The following GDPD4 variants were observed in gnomAD, a reference collection of about 807,000 sequenced individuals.
The protein encoded by GDPD4 is glycerophosphodiester phosphodiesterase domain containing 4.
A neutral mutation model predicts 67.8 loss-of-function variants in GDPD4; 60 were observed. That is an observed-to-expected ratio of 0.88 (90% CI 0.72 to 1.10). The LOEUF (loss-of-function observed/expected upper bound fraction) is 1.10. Ranked by LOEUF, GDPD4 falls within the 50% of genes least tolerant of loss-of-function variation. GDPD4 has a pLI of 0.00. For synonymous variants in GDPD4, 212 were observed against 210.9 expected (o/e 1.00, Z -0.04); for missense variants, 623 against 613.9 (o/e 1.01, Z -0.16).
At position 77,229,875 on chromosome 11, in the gene GDPD4, TC is replaced by T. The variant is rs149475629; in HGVS notation, c.1390-644del. Among the ~76,000 whole-genome samples, 606 of 152,288 alleles carry T rather than the reference TC, an allele frequency of 4.0e-3. 3 individuals carry two copies. Among genetic ancestry groups the T allele is most frequent in the Non-Finnish European group, 6.6e-3 (446 of 68,018 alleles). On this transcript the variant is annotated intron_variant, in intron 14 of 16. Coordinates refer to ENST00000315938, the MANE Select transcript of GDPD4 (RefSeq NM_182833.3). ...ATTTCCCAGAGCTCTGTCTTCTGGG[TC>T]CTCTCATTGAGTTTGATGCTCCCTT...
intron 11 of GDPD4, among the ~76,000 whole-genome samples, chr11:77,248,989 G>T (rs1311361994): frequency 1.3e-5 from 2 of 151,254 alleles, no homozygotes; most frequent in Non-Finnish European, 2.9e-5. Context: ...ATTAGAGGCT[G>T]GGCAAGGTGG....
intron 11 of GDPD4, among the ~76,000 whole-genome samples, chr11:77,247,641 A>T (rs541668687): frequency 3.4e-4 from 52 of 152,354 alleles, no homozygotes; most frequent in Admixed American, 2.6e-3. Context: ...CAGATGAAAC[A>T]TCTGGTTCCT....
At chr11:77,241,864 C>T (rs748621224) in intron 13 of GDPD4, among the ~76,000 whole-genome samples, 7 of 151,716 alleles carry the variant, frequency 4.6e-5, no homozygotes, top group East Asian at 2.0e-4. Flanking sequence ...ATCCAAGAGG[C>T]GGAGGTTGCA....
At chr11:77,224,459 G>A (rs1958288289) in intron 16 of GDPD4, among the ~76,000 whole-genome samples, 1 of 152,144 alleles carries the variant, frequency 6.6e-6, no homozygotes, top group African/African-American at 2.4e-5. Context: ...CTTCATCATA[G>A]CAGACTGGAG....
intron 13 of GDPD4, 38 bp from the exon 14 acceptor site, chr11:77,233,210 A>G (rs769892166): frequency 1.3e-6 from 2 of 1,596,594 alleles, no homozygotes; most frequent in Non-Finnish European, 1.7e-6. Flanking sequence ...ATTTAGATCA[A>G]GTTTCATTCT....
intron 1 of GDPD4, among the ~76,000 whole-genome samples, chr11:77,298,105 T>A (rs2725823): frequency 0.74 from 111,840 of 150,388 alleles, 42,450 homozygotes; most frequent in African/African-American, 0.92. Flanking sequence ...TTCGTTTTTT[T>A]AAAAAAAAAA....
At chr11:77,227,728 T>C in intron 16 of GDPD4, 136 bp downstream of exon 16, 1 of 674,906 alleles carries the variant, frequency 1.5e-6, no homozygotes, top group Non-Finnish European at 2.7e-6. Flanking sequence ...ATACTTCCCC[T>C]GGTCCCTCCC....
intron 1 of GDPD4, among the ~76,000 whole-genome samples, chr11:77,297,566 T>C (rs550423366): frequency 6.6e-6 from 1 of 151,864 alleles, no homozygotes; most frequent in South Asian, 2.1e-4. Context: ...GTAGATGCTC[T>C]GGAGCTCCTT....
In GDPD4 at chr11:77,244,000, T is replaced by C. The variant is rs1347952745; in HGVS notation, c.1087-152A>G. 5.2e-5 allele frequency: 31 copies of C among 601,070 alleles called. No individual in the cohort carries two copies. In the Middle Eastern group the frequency reaches 1.1e-3, roughly 21 times the overall value. The allele number at this position is 601,070 out of a possible 1,614,324, so 37.2% of individuals were successfully genotyped here. On this transcript the variant is annotated intron_variant, in intron 12 of 16. Coordinates refer to ENST00000315938, the MANE Select transcript of GDPD4 (RefSeq NM_182833.3). ...CTAGTCCTTGGTGAAAGAGTCAACATGGGCTAGTATTTTCTTTGTTTTGTT... is the reference window on the plus strand; with the variant it reads ...CTAGTCCTTGGTGAAAGAGTCAACACGGGCTAGTATTTTCTTTGTTTTGTT...
chr11:77,251,839 G>C (rs1958904714), intron 11 of GDPD4, among the ~76,000 whole-genome samples: 1 of 152,024 alleles, frequency 6.6e-6, no homozygotes, highest in Non-Finnish European at 1.5e-5. Flanking sequence ...ATGAAAATTT[G>C]TTTGCTTAAT....
chr11:77,280,391 T>C (rs895092549), intron 3 of GDPD4, among the ~76,000 whole-genome samples: 4 of 151,704 alleles, frequency 2.6e-5, no homozygotes, highest in African/African-American at 7.3e-5. Context: ...CAGGTGGTTA[T>C]TAAACAGAGA....
intron 11 of GDPD4, among the ~76,000 whole-genome samples, chr11:77,248,297 G>T (rs182662132): frequency 6.6e-6 from 1 of 150,988 alleles, no homozygotes; most frequent in East Asian, 2.0e-4. Context: ...CCGCCTCCCA[G>T]GTTCAAGTGA....
chr11:77,242,018 T>G (rs566015321), intron 13 of GDPD4, among the ~76,000 whole-genome samples: 1 of 152,152 alleles, frequency 6.6e-6, no homozygotes, highest in African/African-American at 2.4e-5. Context: ...TACTGAAAAG[T>G]AGAATGTTGG....
chr11:77,225,252 G>T (rs1279177425), intron 16 of GDPD4, among the ~76,000 whole-genome samples: 1 of 150,228 alleles, frequency 6.7e-6, no homozygotes, highest in Non-Finnish European at 1.5e-5. Context: ...AGTGAGCTGA[G>T]ATCATGCCAC....
At position 77,217,307 on chromosome 11, in the gene GDPD4, C is replaced by CTGAG. The variant is rs750048016; in HGVS notation, c.1529_1532dup (p.Gln511HisfsTer6). ...TATCTTCCTCATTCTTACTTCCACT[C>CTGAG]TGAGTATCTGTGGGATGGAAAAGAC... On this transcript the variant is annotated frameshift_variant, in exon 17 of 17. Transcript: ENST00000315938. LOFTEE classifies it low-confidence loss of function (END_TRUNC). 6.2e-7 allele frequency: 1 copy of CTGAG among 1,605,328 alleles called. No homozygotes were observed. The highest frequency in any genetic ancestry group is 1.1e-5 in the South Asian group (1 of 90,870).
intron 1 of GDPD4, among the ~76,000 whole-genome samples, chr11:77,294,916 A>G (rs1156809319): frequency 6.6e-6 from 1 of 151,540 alleles, no homozygotes; most frequent in East Asian, 1.9e-4. Context: ...TGGTTCTGGA[A>G]CAACTGGATA....
At chr11:77,224,968 A>C (rs552130758) in intron 16 of GDPD4, among the ~76,000 whole-genome samples, 5 of 151,190 alleles carry the variant, frequency 3.3e-5, no homozygotes, top group Admixed American at 1.3e-4. Flanking sequence ...GCCAGTCATA[A>C]TGGTTTGTGC....
chr11:77,273,227 G>A (rs1959299820), intron 5 of GDPD4, among the ~76,000 whole-genome samples: 2 of 152,064 alleles, frequency 1.3e-5, no homozygotes, highest in African/African-American at 4.8e-5. Context: ...GGGGTTCTAG[G>A]CCTCGTGCTA....
intron 13 of GDPD4, among the ~76,000 whole-genome samples, chr11:77,235,419 G>A (rs1958543328): frequency 6.6e-6 from 1 of 152,096 alleles, no homozygotes; most frequent in Non-Finnish European, 1.5e-5. Flanking sequence ...TCTATCTGAT[G>A]TTAAGACTTA....
Sources: allele counts gnomAD v4.1 joint callset (sites outside exome capture counted in the v4.1 genomes callset), GRCh38; gene constraint gnomAD v4.1.1; transcripts MANE v1.5; gene names NCBI Gene and HGNC (gene_info 2026-07-23, HGNC 2026-07-21).